Variants in UNC5C observed in about 807,000 individuals in gnomAD.
UNC5C encodes the protein netrin receptor UNC5C.
UNC5C carries 47 observed loss-of-function variants against 99.8 expected under a neutral mutation model. The ratio of observed to expected loss-of-function variants is 0.47; its 90% confidence interval spans 0.37 to 0.60. UNC5C has a LOEUF of 0.60. Ranked by LOEUF, UNC5C falls within the 20% of genes least tolerant of loss-of-function variation. UNC5C has a pLI of 0.00. For missense variants in UNC5C, 1,062 were observed against 1,165.9 expected (o/e 0.91, Z 1.30); for synonymous variants, 487 against 452.2 (o/e 1.08, Z -0.98).
At chr4:95,262,477 T>C (rs1360112544) in intron 4 of UNC5C, among the ~76,000 whole-genome samples, 2 of 152,206 alleles carry the variant, frequency 1.3e-5, no homozygotes, top group Admixed American at 1.3e-4. Flanking sequence ...ATTTCAGCAG[T>C]AGCATTCAAA....
chr4:95,487,944 G>A (rs927410868), intron 1 of UNC5C, among the ~76,000 whole-genome samples: 5 of 151,698 alleles, frequency 3.3e-5, no homozygotes, highest in African/African-American at 1.2e-4. Context: ...TAAGTAGACT[G>A]TTTACAAGAA....
intron 13 of UNC5C, among the ~76,000 whole-genome samples, chr4:95,183,736 G>A (rs960953576): frequency 6.6e-6 from 1 of 152,194 alleles, no homozygotes; most frequent in African/African-American, 2.4e-5. Context: ...AAATGGGAGA[G>A]CATGGCTGTA....
At chr4:95,292,800 A>C (rs78773818) in intron 3 of UNC5C, among the ~76,000 whole-genome samples, 2,143 of 152,268 alleles carry the variant, frequency 0.014, 59 homozygotes, top group African/African-American at 0.049. Context: ...ATGTACTTTC[A>C]ATTTAATTCA....
At chr4:95,288,214 C>G (rs1016982941) in intron 3 of UNC5C, among the ~76,000 whole-genome samples, 1 of 152,054 alleles carries the variant, frequency 6.6e-6, no homozygotes, top group African/African-American at 2.4e-5. Flanking sequence ...TCCCGAGTAG[C>G]TGGGACTACA....
At chr4:95,236,275 C>T (rs1739108145) in intron 7 of UNC5C, among the ~76,000 whole-genome samples, 1 of 152,052 alleles carries the variant, frequency 6.6e-6, no homozygotes, top group Non-Finnish European at 1.5e-5. Context: ...GAGTTCATGT[C>T]CTTTGTAGGG....
intron 1 of UNC5C, among the ~76,000 whole-genome samples, chr4:95,461,930 T>A (rs971089109): frequency 6.6e-6 from 1 of 152,214 alleles, no homozygotes; most frequent in Non-Finnish European, 1.5e-5. Context: ...TGTTTTGATT[T>A]TCTTTTTTTA....
In UNC5C at chr4:95,320,984, C is replaced by A. The variant is rs369610585; in HGVS notation, c.346+14426G>T. On this transcript the variant is annotated intron_variant, in intron 2 of 15. Transcript: ENST00000453304. Reference sequence around the variant, plus strand: ...CACTGTATATAATTTTAGAAAATTTCTCTTTTCCCCTAGTGAAACACAACT... The same window carrying A: ...CACTGTATATAATTTTAGAAAATTTATCTTTTCCCCTAGTGAAACACAACT... Among the ~76,000 whole-genome samples, 395 of 152,272 alleles carry A rather than the reference C, an allele frequency of 2.6e-3. 4 individuals are homozygous for A. The highest frequency in any genetic ancestry group is 9.0e-3 in the African/African-American group (373 of 41,568).
At chr4:95,473,376 C>T (rs945221218) in intron 1 of UNC5C, among the ~76,000 whole-genome samples, 1 of 152,068 alleles carries the variant, frequency 6.6e-6, no homozygotes, top group African/African-American at 2.4e-5. Flanking sequence ...CTTAAGTTCC[C>T]ACTTTGTAGT....
chr4:95,545,641 T>G (rs1288124370), intron 1 of UNC5C, among the ~76,000 whole-genome samples: 1 of 152,180 alleles, frequency 6.6e-6, no homozygotes, highest in African/African-American at 2.4e-5. Context: ...TTTGGTGGTG[T>G]TAACACTCAT....
intron 1 of UNC5C, among the ~76,000 whole-genome samples, chr4:95,529,528 C>T (rs1264129458): frequency 6.6e-6 from 1 of 151,670 alleles, no homozygotes; most frequent in Non-Finnish European, 1.5e-5. Context: ...GAGCTCAAGA[C>T]CAACCTGGGA....
chr4:95,420,893 T>C (rs1746299954), intron 1 of UNC5C, among the ~76,000 whole-genome samples: 1 of 152,164 alleles, frequency 6.6e-6, no homozygotes, highest in Admixed American at 6.5e-5. Flanking sequence ...TTCTATAAAA[T>C]CATGGGATTA....
At chr4:95,529,001 C>T (rs1387962469) in intron 1 of UNC5C, among the ~76,000 whole-genome samples, 1 of 151,926 alleles carries the variant, frequency 6.6e-6, no homozygotes, top group Non-Finnish European at 1.5e-5. Flanking sequence ...TTTATCTCTC[C>T]TTTAATCTCT....
intron 14 of UNC5C, among the ~76,000 whole-genome samples, chr4:95,182,244 A>G (rs1006036077): frequency 6.6e-6 from 1 of 152,240 alleles, no homozygotes; most frequent in Non-Finnish European, 1.5e-5. Flanking sequence ...TGAAGATCAC[A>G]GCAAAGGAAG....
At chr4:95,401,592 A>G (rs1745699420) in intron 1 of UNC5C, among the ~76,000 whole-genome samples, 2 of 152,188 alleles carry the variant, frequency 1.3e-5, no homozygotes, top group Non-Finnish European at 2.9e-5. Flanking sequence ...GGAGTGAGCC[A>G]CTGTGCCTCA....
intron 1 of UNC5C, among the ~76,000 whole-genome samples, chr4:95,469,736 C>A (rs1218901701): frequency 6.6e-6 from 1 of 152,144 alleles, no homozygotes. Flanking sequence ...TTCAGCATTA[C>A]TAGTGGCACT....
At chr4:95,525,462 A>C (rs932202909) in intron 1 of UNC5C, among the ~76,000 whole-genome samples, 1 of 152,008 alleles carries the variant, frequency 6.6e-6, no homozygotes, top group African/African-American at 2.4e-5. Flanking sequence ...TAATCAAATG[A>C]TTTTTGTAAA....
intron 12 of UNC5C, among the ~76,000 whole-genome samples, chr4:95,190,816 C>G (rs1737054692): frequency 6.6e-6 from 1 of 152,208 alleles, no homozygotes; most frequent in Non-Finnish European, 1.5e-5. Flanking sequence ...TCTTTCCCCA[C>G]TGCGGGCGCT....
At chr4:95,206,976 G>T (rs1737903784) in intron 10 of UNC5C, among the ~76,000 whole-genome samples, 180 bp from the exon 11 acceptor site, 1 of 147,064 alleles carries the variant, frequency 6.8e-6, no homozygotes, top group South Asian at 2.2e-4. Context: ...TCTATACCAA[G>T]ACCTTGATCT....
chr4:95,418,880 A>T (rs1361853822), intron 1 of UNC5C, among the ~76,000 whole-genome samples: 4 of 152,078 alleles, frequency 2.6e-5, no homozygotes, highest in African/African-American at 9.7e-5. Flanking sequence ...GACGAACTCC[A>T]TTCCTCCTCC....
Sources: gnomAD v4.1 joint callset for allele counts (sites outside exome capture counted in the v4.1 genomes callset) on GRCh38, gnomAD v4.1.1 for gene constraint, MANE v1.5 for transcripts, NCBI Gene and HGNC (gene_info 2026-07-23, HGNC 2026-07-21) for gene names.